HPSE2: variants seen among roughly 807,000 people sequenced by gnomAD.
HPSE2 encodes the protein inactive heparanase-2.
Under a neutral mutation model 60.5 loss-of-function variants are expected in HPSE2, and 38 were observed. The ratio of observed to expected loss-of-function variants is 0.63; its 90% CI spans 0.48 to 0.82. The LOEUF (loss-of-function observed/expected upper bound fraction) is 0.82. Ranked by LOEUF, HPSE2 falls within the 40% of genes least tolerant of loss-of-function variation. HPSE2 has a pLI of 0.00. For missense variants in HPSE2, 713 were observed against 740.4 expected, an observed-to-expected ratio of 0.96 and a Z score of 0.43; for synonymous variants, 295 against 293.2, an observed-to-expected ratio of 1.01 and a Z score of -0.06.
At chr10:98,725,438 G>A (rs1949047499) in intron 4 of HPSE2, among the ~76,000 whole-genome samples, 1 of 152,194 alleles carries the variant, frequency 6.6e-6, no homozygotes, top group Admixed American at 6.5e-5. Context: ...CTAGCCTTAT[G>A]TAGAAAGCTG....
intron 9 of HPSE2, among the ~76,000 whole-genome samples, chr10:98,558,942 G>A (rs756442502): frequency 2.6e-5 from 4 of 152,098 alleles, no homozygotes; most frequent in Admixed American, 1.3e-4. Context: ...TACACCATTC[G>A]CTACCCACTT....
At chr10:99,018,301 G>GA in intron 3 of HPSE2, among the ~76,000 whole-genome samples, 1 of 152,320 alleles carries the variant, frequency 6.6e-6, no homozygotes, top group Admixed American at 6.5e-5. Context: ...AAAGGCCAGG[G>GA]AATGGGAGTA....
chr10:98,799,421 G>A (rs184953661), intron 3 of HPSE2, among the ~76,000 whole-genome samples: 1 of 152,100 alleles, frequency 6.6e-6, no homozygotes, highest in South Asian at 2.1e-4. Flanking sequence ...CTTCATCTGC[G>A]CTATAGAACA....
intron 5 of HPSE2, among the ~76,000 whole-genome samples, chr10:98,713,806 A>C (rs1948730131): frequency 6.6e-6 from 1 of 151,958 alleles, no homozygotes; most frequent in South Asian, 2.1e-4. Flanking sequence ...AAGTCATTCT[A>C]ACCAAGAGTC....
intron 3 of HPSE2, among the ~76,000 whole-genome samples, chr10:99,097,916 A>G (rs1293106672): frequency 6.6e-6 from 1 of 152,208 alleles, no homozygotes; most frequent in African/African-American, 2.4e-5. Context: ...AGGAAAAGTC[A>G]CTGTCTCCTC....
At chr10:99,182,763 T>C (rs986765420) in intron 2 of HPSE2, among the ~76,000 whole-genome samples, 3 of 152,026 alleles carry the variant, frequency 2.0e-5, no homozygotes, top group Admixed American at 6.5e-5. Context: ...TTTGGGAGGC[T>C]GAGGGGGCAG....
At chr10:98,914,191 A>T (rs1954055026) in intron 3 of HPSE2, among the ~76,000 whole-genome samples, 1 of 151,996 alleles carries the variant, frequency 6.6e-6, no homozygotes, top group Non-Finnish European at 1.5e-5. Context: ...GTCTCATGAG[A>T]TCTGATGGTT....
chr10:99,038,843 G>C (rs1957669831), intron 3 of HPSE2, among the ~76,000 whole-genome samples: 2 of 152,030 alleles, frequency 1.3e-5, no homozygotes, highest in Non-Finnish European at 2.9e-5. Context: ...CATTATATAA[G>C]TTTAATATCC....
intron 9 of HPSE2, among the ~76,000 whole-genome samples, chr10:98,507,610 T>G (rs551096847): frequency 6.8e-4 from 104 of 152,276 alleles, no homozygotes; most frequent in Non-Finnish European, 9.6e-4. Flanking sequence ...TTTTCATCCT[T>G]GCATTTCTCT....
intron 3 of HPSE2, among the ~76,000 whole-genome samples, chr10:98,981,500 T>C (rs370249408): frequency 2.6e-5 from 4 of 152,174 alleles, no homozygotes; most frequent in African/African-American, 9.6e-5. Flanking sequence ...TGAAATAACA[T>C]TTATGAAAAG....
intron 9 of HPSE2, among the ~76,000 whole-genome samples, chr10:98,566,941 TA>T (rs1944364570): frequency 6.6e-6 from 1 of 152,200 alleles, no homozygotes; most frequent in African/African-American, 2.4e-5. Flanking sequence ...CATAATCTTT[TA>T]CTAGACTTAG....
intron 3 of HPSE2, among the ~76,000 whole-genome samples, chr10:98,776,278 C>CAAAAAAAAA (rs35176062): frequency 7.3e-6 from 1 of 137,084 alleles, no homozygotes; most frequent in African/African-American, 2.8e-5. Context: ...ACTAAAAATA[C>CAAAAAAAAA]AAAAAAAAAA....
chr10:98,936,930 G>A (rs1384377486), intron 3 of HPSE2, among the ~76,000 whole-genome samples: 1 of 106,444 alleles, frequency 9.4e-6, no homozygotes, highest in Non-Finnish European at 1.7e-5. Flanking sequence ...AGTGAGCTGA[G>A]ACAGCACTAC....
At chr10:98,502,760 A>C (rs1297818981) in intron 9 of HPSE2, among the ~76,000 whole-genome samples, 1 of 152,208 alleles carries the variant, frequency 6.6e-6, no homozygotes, top group Non-Finnish European at 1.5e-5. Flanking sequence ...GAGTAAACAG[A>C]CAATCTATAC....
At chr10:98,724,133 T>C (rs530680357) in intron 4 of HPSE2, among the ~76,000 whole-genome samples, 1 of 152,274 alleles carries the variant, frequency 6.6e-6, no homozygotes, top group East Asian at 1.9e-4. Context: ...CACACTGCTT[T>C]GAATGTGTCC....
intron 6 of HPSE2, among the ~76,000 whole-genome samples, chr10:98,667,675 A>G (rs1386757493): frequency 6.6e-6 from 1 of 152,190 alleles, no homozygotes; most frequent in Admixed American, 6.5e-5. Flanking sequence ...AAAAACAAAA[A>G]CCATATGATT....
At chr10:98,503,217 AAAGAAAAAGAAAAAAAGAAAAAAAG>A (rs1942084923) in intron 9 of HPSE2, among the ~76,000 whole-genome samples, 1 of 92,968 alleles carries the variant, frequency 1.1e-5, no homozygotes, top group African/African-American at 3.5e-5. Context: ...CATCAGAAAA[AAAGAAAAAGAAAAAAAGAAAAAAAG>A]AAAAAAAAGA....
intron 2 of HPSE2, among the ~76,000 whole-genome samples, chr10:99,206,560 CAAA>C (rs768456472): frequency 1.0e-4 from 9 of 88,942 alleles, no homozygotes; most frequent in Admixed American, 1.3e-4. Context: ...GACCCTGTCT[CAAA>C]AAAAAAAAAA....
intron 3 of HPSE2, among the ~76,000 whole-genome samples, chr10:98,883,126 T>A (rs1168618685): frequency 6.6e-6 from 1 of 152,128 alleles, no homozygotes; most frequent in Non-Finnish European, 1.5e-5. Flanking sequence ...AGACAAGATT[T>A]GTTTTATTTG....
Sources: gnomAD v4.1 joint callset for allele counts (sites outside exome capture counted in the v4.1 genomes callset) on GRCh38, gnomAD v4.1.1 for gene constraint, MANE v1.5 for transcripts, NCBI Gene and HGNC (gene_info 2026-07-23, HGNC 2026-07-21) for gene names.